Variants in FHIT observed in about 807,000 individuals in gnomAD.
The protein encoded by FHIT is fragile histidine triad diadenosine triphosphatase.
A neutral mutation model predicts 17.9 loss-of-function variants in FHIT; 19 were observed. The ratio of observed to expected loss-of-function variants is 1.06; its 90% CI spans 0.74 to 1.56. FHIT has a LOEUF of 1.56. Among genes scored for constraint, FHIT ranks in the 40% most tolerant of loss-of-function variants. The probability of loss-of-function intolerance (pLI) is 0.00; values close to 1 mark genes in which losing one functional copy is unlikely to be tolerated. For missense variants in FHIT, 248 were observed against 189.2 expected (o/e 1.31, Z -1.82); for synonymous variants, 81 against 69.7 (o/e 1.16, Z -0.81).
At chr3:59,908,221 G>C (rs1052443506) in intron 8 of FHIT, among the ~76,000 whole-genome samples, 2 of 152,240 alleles carry the variant, frequency 1.3e-5, no homozygotes, top group Non-Finnish European at 2.9e-5. Flanking sequence ...AGAGTAGATT[G>C]AATGTGCATT....
At chr3:60,360,756 T>C (rs893623633) in intron 5 of FHIT, among the ~76,000 whole-genome samples, 1 of 152,194 alleles carries the variant, frequency 6.6e-6, no homozygotes, top group Non-Finnish European at 1.5e-5. Flanking sequence ...GCTTCCCTTC[T>C]CAAACAGCCT....
At chr3:60,220,826 A>G (rs1414763467) in intron 5 of FHIT, among the ~76,000 whole-genome samples, 1 of 152,212 alleles carries the variant, frequency 6.6e-6, no homozygotes, top group Non-Finnish European at 1.5e-5. Flanking sequence ...TCATTTCTTC[A>G]CAGCAGTATT....
At chr3:60,134,328 A>G (rs1699717834) in intron 5 of FHIT, among the ~76,000 whole-genome samples, 1 of 152,196 alleles carries the variant, frequency 6.6e-6, no homozygotes, top group South Asian at 2.1e-4. Flanking sequence ...GACATCTGGA[A>G]AAAGATAATC....
rs373187679 is a variant in FHIT, at chr3:60,493,744, A to C, written c.103+43116T>G. 1.0e-3 allele frequency among the ~76,000 whole-genome samples: 154 copies of C among 152,340 alleles called. 3 individuals are homozygous for C. The South Asian group carries it at 0.031, about 30-fold the overall frequency. ...CAAAGTTCAATATTTGGAATATTCA[A>C]ACGAGAGATACGACTGTGTCTAAAA... is the stretch of plus-strand genomic sequence containing the variant. On this transcript the variant is annotated intron_variant, in intron 5 of 9. Coordinates refer to ENST00000492590, the MANE Select transcript of FHIT (RefSeq NM_002012.4).
At chr3:59,802,416 C>A (rs1700032874) in intron 8 of FHIT, among the ~76,000 whole-genome samples, 2 of 152,138 alleles carry the variant, frequency 1.3e-5, no homozygotes, top group South Asian at 4.2e-4. Context: ...ATCCAGATGG[C>A]CTGAAGTAAC....
At chr3:59,882,093 G>A (rs910017514) in intron 8 of FHIT, among the ~76,000 whole-genome samples, 4 of 152,054 alleles carry the variant, frequency 2.6e-5, no homozygotes, top group South Asian at 2.1e-4. Flanking sequence ...ATTGCTTACT[G>A]TTCAAATTAG....
At chr3:61,027,511 G>C (rs1030638840) in intron 3 of FHIT, among the ~76,000 whole-genome samples, 2 of 152,136 alleles carry the variant, frequency 1.3e-5, no homozygotes, top group Non-Finnish European at 2.9e-5. Context: ...AATTCACATT[G>C]GTAGCTTGAA....
At chr3:60,849,273 T>C (rs546172876) in intron 3 of FHIT, among the ~76,000 whole-genome samples, 3 of 151,870 alleles carry the variant, frequency 2.0e-5, no homozygotes, top group Admixed American at 6.6e-5. Context: ...AGGAATACTA[T>C]TTGGCTTTTG....
At chr3:60,555,811 G>C (rs2036720444) in intron 4 of FHIT, among the ~76,000 whole-genome samples, 1 of 152,186 alleles carries the variant, frequency 6.6e-6, no homozygotes, top group Non-Finnish European at 1.5e-5. Flanking sequence ...ACCGGCACCT[G>C]AATTCCATCA....
chr3:59,809,637 C>T (rs936490624), intron 8 of FHIT, among the ~76,000 whole-genome samples: 7 of 152,166 alleles, frequency 4.6e-5, no homozygotes, highest in East Asian at 1.9e-4. Context: ...CTTCTGAACA[C>T]GGGTTTAGAA....
intron 5 of FHIT, among the ~76,000 whole-genome samples, chr3:60,291,601 T>C (rs1378926965): frequency 1.2e-4 from 18 of 152,126 alleles, no homozygotes; most frequent in Admixed American, 1.1e-3. Context: ...AGGCTGCTCT[T>C]TGGTAGGAAA....
intron 8 of FHIT, among the ~76,000 whole-genome samples, chr3:59,772,761 A>G (rs1175865635): frequency 6.6e-6 from 1 of 152,154 alleles, no homozygotes; most frequent in Non-Finnish European, 1.5e-5. Context: ...TTAGATTTAG[A>G]CCACCCAGAA....
chr3:60,885,700 A>C (rs1553759140), intron 3 of FHIT, among the ~76,000 whole-genome samples: 1 of 152,152 alleles, frequency 6.6e-6, no homozygotes, highest in Non-Finnish European at 1.5e-5. Context: ...TTTCTGATAC[A>C]TCATGAGCTT....
rs201972575 is a variant in FHIT at position 60,204,453 on chromosome 3, T to G, written c.104-190301A>C. On this transcript the variant is annotated intron_variant, in intron 5 of 9. Coordinates refer to ENST00000492590, the MANE Select transcript of FHIT (RefSeq NM_002012.4). ...CCCAGCTAATATTCTGGTTTTTTTT[T>G]TTTTGTTTTGTTTTTTTAGTAGAGA... Among the ~76,000 whole-genome samples, 1,045 of 141,228 alleles carry G rather than the reference T, an allele frequency of 7.4e-3. 8 individuals are homozygous for G. Among genetic ancestry groups the G allele is most frequent in the Middle Eastern group, 0.017 (5 of 288 alleles). The allele number at this position is 141,228 out of a possible 152,430, so 92.7% of individuals were successfully genotyped here. A position where few individuals can be genotyped will look rare whatever the true frequency, so the allele number is the denominator to read the frequency against.
chr3:60,180,056 T>A (rs767541593), intron 5 of FHIT, among the ~76,000 whole-genome samples: 10 of 152,124 alleles, frequency 6.6e-5, no homozygotes, highest in Non-Finnish European at 1.3e-4. Flanking sequence ...TACACAGCTG[T>A]AACCACACAA....
At chr3:61,110,400 T>A (rs1273234458) in intron 2 of FHIT, among the ~76,000 whole-genome samples, 1 of 152,144 alleles carries the variant, frequency 6.6e-6, no homozygotes, top group Non-Finnish European at 1.5e-5. Context: ...GCTAGATCAC[T>A]TGATCTAAGG....
At chr3:59,826,283 A>C (rs939718855) in intron 8 of FHIT, among the ~76,000 whole-genome samples, 2 of 152,124 alleles carry the variant, frequency 1.3e-5, no homozygotes, top group African/African-American at 2.4e-5. Flanking sequence ...ACGCCCAGCT[A>C]ATTTTTTTGT....
At position 60,981,309 on chromosome 3, in the gene FHIT, T is replaced by C. The variant is rs13084163; in HGVS notation, c.-111+60738A>G. On this transcript the variant is annotated intron_variant, in intron 3 of 9. Transcript: ENST00000492590. ...TTTCTTCCTTCCTTTTTTTTTTTTT[T>C]TTCTTTTTTTTTTTTGACAGAGTCT... is the stretch of plus-strand genomic sequence containing the variant. Among the ~76,000 whole-genome samples the C allele has an allele frequency of 6.6e-3, 837 of 127,514 alleles. 4 individuals carry two copies. The highest frequency in any genetic ancestry group is 0.013 in the Middle Eastern group (3 of 230). 83.7% of individuals were successfully genotyped at this position (127,514 alleles called of 152,430 possible). A position where few individuals can be genotyped will look rare whatever the true frequency, so the allele number is the denominator to read the frequency against.
intron 8 of FHIT, among the ~76,000 whole-genome samples, chr3:59,808,091 C>T (rs916473838): frequency 6.7e-6 from 1 of 150,064 alleles, no homozygotes; most frequent in African/African-American, 2.5e-5. Context: ...CCCCTTTCCC[C>T]TACCCCCCCA....
Sources: allele counts gnomAD v4.1 joint callset (sites outside exome capture counted in the v4.1 genomes callset), GRCh38; gene constraint gnomAD v4.1.1; transcripts MANE v1.5; gene names NCBI Gene and HGNC (gene_info 2026-07-23, HGNC 2026-07-21).